CDYL: variants seen among roughly 807,000 people sequenced by gnomAD.
CDYL encodes the protein chromodomain Y like.
In CDYL, 8 loss-of-function variants were observed where a neutral mutation model predicts 47.3. That is an observed-to-expected ratio of 0.17 (90% CI 0.10 to 0.31). The LOEUF (loss-of-function observed/expected upper bound fraction) is 0.31. Ranked by LOEUF, CDYL falls within the 10% of genes least tolerant of loss-of-function variation. The pLI is 1.00. For synonymous variants in CDYL, 266 were observed against 265.0 expected, an observed-to-expected ratio of 1.00 and a Z score of -0.04; for missense variants, 471 against 701.4, an observed-to-expected ratio of 0.67 and a Z score of 3.71.
chr6:4,756,365 C>T (rs1351431002), intron 3 of CDYL, among the ~76,000 whole-genome samples: 1 of 152,142 alleles, frequency 6.6e-6, no homozygotes, highest in African/African-American at 2.4e-5. Flanking sequence ...ATTTTACTTT[C>T]TGCCTTCTAA....
Position 4,758,351 on chromosome 6 carries a change from A to AATAAATAAATATAT in CDYL, c.186+23510_186+23511insAATAAATATATATA, listed in dbSNP as rs1554134097. The stretch of plus-strand genomic sequence containing the variant: ...AAGACTCATGTCTTGAAAATAAATA[A>AATAAATAAATATAT]ATATATATATATATATATATCTCTT... On this transcript the variant is annotated intron_variant, in intron 3 of 8. Coordinates refer to the CDYL transcript ENST00000328908. 3.9e-5 allele frequency among the ~76,000 whole-genome samples: 5 copies of AATAAATAAATATAT among 129,084 alleles called. 1 individual carries two copies. Among genetic ancestry groups the AATAAATAAATATAT allele is most frequent in the South Asian group, 2.8e-4 (1 of 3,598 alleles). The allele number at this position is 129,084 out of a possible 152,430, so 84.7% of individuals were successfully genotyped here.
chr6:4,769,235 C>T (rs1758300041), intron 3 of CDYL, among the ~76,000 whole-genome samples: 1 of 152,082 alleles, frequency 6.6e-6, no homozygotes, highest in Admixed American at 6.6e-5. Flanking sequence ...CCATGTATAC[C>T]TGACTAAATG....
intron 2 of CDYL, among the ~76,000 whole-genome samples, chr6:4,897,080 TA>T (rs1231501544): frequency 6.6e-6 from 1 of 152,274 alleles, no homozygotes; most frequent in Non-Finnish European, 1.5e-5. Flanking sequence ...TATCAATGTT[TA>T]ATGGTAATTT....
intron 2 of CDYL, among the ~76,000 whole-genome samples, chr6:4,898,039 T>C (rs1355138642): frequency 1.3e-5 from 2 of 151,720 alleles, no homozygotes; most frequent in African/African-American, 2.4e-5. Flanking sequence ...GCCTGGGCAA[T>C]TGAGCAAGAC....
intron 1 of CDYL, among the ~76,000 whole-genome samples, chr6:4,852,248 AT>A: frequency 6.6e-6 from 1 of 152,266 alleles, no homozygotes; most frequent in South Asian, 2.1e-4. Flanking sequence ...AGGTGGAACT[AT>A]TTTGCAAGGA....
At chr6:4,743,674 A>G (rs890664664) in intron 3 of CDYL, among the ~76,000 whole-genome samples, 1 of 152,216 alleles carries the variant, frequency 6.6e-6, no homozygotes, top group East Asian at 1.9e-4. Flanking sequence ...CACTAAGCCA[A>G]TGACACAATT....
At chr6:4,884,298 G>T (rs997068856) in intron 1 of CDYL, among the ~76,000 whole-genome samples, 1 of 152,298 alleles carries the variant, frequency 6.6e-6, no homozygotes, top group African/African-American at 2.4e-5. Flanking sequence ...TTAGCTGGCT[G>T]GGTCCAGGAT....
chr6:4,910,416 C>T (rs1891047), intron 2 of CDYL, among the ~76,000 whole-genome samples: 107,075 of 152,156 alleles, frequency 0.7, 40,402 homozygotes, highest in South Asian at 0.83. Context: ...TCCCTTCATA[C>T]TTTCTGCTCT....
chr6:4,706,753 C>T (rs1757053798), intron 1 of CDYL, among the ~76,000 whole-genome samples: 2 of 152,144 alleles, frequency 1.3e-5, no homozygotes, highest in Non-Finnish European at 2.9e-5. Context: ...GGCACCACTG[C>T]ACTCCAGCCT....
At chr6:4,814,123 G>A (rs954980881) in intron 1 of CDYL, among the ~76,000 whole-genome samples, 5 of 152,058 alleles carry the variant, frequency 3.3e-5, no homozygotes, top group African/African-American at 1.2e-4. Context: ...GGTGCATCTG[G>A]ATAGGTAGCA....
chr6:4,832,997 A>G (rs1452244005), intron 1 of CDYL, among the ~76,000 whole-genome samples: 5 of 150,860 alleles, frequency 3.3e-5, no homozygotes, highest in African/African-American at 9.8e-5. Context: ...CAGTCTATCA[A>G]TTTTGTTGAT....
chr6:4,889,563 A>G (rs1379404652), intron 1 of CDYL, among the ~76,000 whole-genome samples: 1 of 152,116 alleles, frequency 6.6e-6, no homozygotes, highest in African/African-American at 2.4e-5. Flanking sequence ...AAGAATAATA[A>G]TATTTTATGA....
At chr6:4,854,967 C>T (rs1391146348) in intron 1 of CDYL, among the ~76,000 whole-genome samples, 2 of 152,086 alleles carry the variant, frequency 1.3e-5, no homozygotes, top group East Asian at 1.9e-4. Context: ...CAACCCGATC[C>T]GGTTATAATT....
chr6:4,866,831 C>G (rs1761336986), intron 1 of CDYL, among the ~76,000 whole-genome samples: 1 of 152,008 alleles, frequency 6.6e-6, no homozygotes, highest in African/African-American at 2.4e-5. Context: ...GTTCTACCCC[C>G]ATACTAGGCC....
intron 5 of CDYL, among the ~76,000 whole-genome samples, chr6:4,950,441 A>G (rs1415456713): frequency 6.6e-6 from 1 of 152,172 alleles, no homozygotes; most frequent in African/African-American, 2.4e-5. Flanking sequence ...GAAAACCCCG[A>G]CAGCACAGAG....
At position 4,856,447 on chromosome 6, in the gene CDYL, C is replaced by T. The variant is rs1001667864; in HGVS notation, c.25-35266C>T. On this transcript the variant is annotated intron_variant, in intron 1 of 6. Transcript: ENST00000397588. ...TGAGACAGAGCCCAGTCGTGTCTGG[C>T]GAGGAGGGAAGGGGACAAGGGGCCA... Among the ~76,000 whole-genome samples, 9 of 152,084 alleles carry T rather than the reference C, an allele frequency of 5.9e-5. 1 individual carries two copies. The South Asian group carries it at 1.2e-3, about 21-fold the overall frequency.
intron 1 of CDYL, among the ~76,000 whole-genome samples, chr6:4,866,246 G>A (rs1447114086): frequency 6.6e-6 from 1 of 152,160 alleles, no homozygotes; most frequent in African/African-American, 2.4e-5. Flanking sequence ...TAAAGGAAAA[G>A]AGATGTTTTT....
chr6:4,709,281 C>T (rs933783440), intron 1 of CDYL, among the ~76,000 whole-genome samples: 57 of 152,080 alleles, frequency 3.7e-4, no homozygotes, highest in African/African-American at 1.1e-3. Context: ...CTGCAACCTC[C>T]GCCTCCTGAG....
chr6:4,853,495 CCTT>C (rs1329253824), intron 1 of CDYL, among the ~76,000 whole-genome samples: 2 of 152,242 alleles, frequency 1.3e-5, no homozygotes, highest in East Asian at 1.9e-4. Flanking sequence ...TCCTCCTTCT[CCTT>C]CTCATTCCCC....
Sources: allele counts gnomAD v4.1 joint callset (sites outside exome capture counted in the v4.1 genomes callset), GRCh38; gene constraint gnomAD v4.1.1; transcripts MANE v1.5; gene names NCBI Gene and HGNC (gene_info 2026-07-23, HGNC 2026-07-21).